Variants in SAXO1 observed in about 807,000 individuals in gnomAD.
The protein encoded by SAXO1 is 4930500O09Rik.
SAXO1 carries 21 observed loss-of-function variants against 17.5 expected under a neutral mutation model. That is an observed-to-expected ratio of 1.20 (90% CI 0.85 to 1.72). The LOEUF (loss-of-function observed/expected upper bound fraction) is 1.72. Ranked by LOEUF, SAXO1 falls within the 40% of genes most tolerant of loss-of-function variation. The probability of loss-of-function intolerance (pLI) is 0.00; values close to 1 mark genes in which losing one functional copy is unlikely to be tolerated. For synonymous variants in SAXO1, 274 were observed against 216.5 expected, an observed-to-expected ratio of 1.27 and a Z score of -2.33; for missense variants, 843 against 596.0, an observed-to-expected ratio of 1.41 and a Z score of -4.32.
At chr9:19,003,400 G>A (rs777518399) in intron 1 of SAXO1, among the ~76,000 whole-genome samples, 10 of 152,102 alleles carry the variant, frequency 6.6e-5, no homozygotes, top group Non-Finnish European at 1.3e-4. Flanking sequence ...CTACTTTAAA[G>A]CTCATATGGA....
At chr9:19,029,888 C>CA (rs1263492060) in intron 1 of SAXO1, among the ~76,000 whole-genome samples, 1 of 152,108 alleles carries the variant, frequency 6.6e-6, no homozygotes, top group Non-Finnish European at 1.5e-5. Flanking sequence ...CCTTGACAAA[C>CA]AAAAAACGCC....
intron 1 of SAXO1, among the ~76,000 whole-genome samples, chr9:18,986,628 C>T (rs560284142): frequency 1.3e-4 from 19 of 151,948 alleles, no homozygotes; most frequent in Admixed American, 6.6e-4. Flanking sequence ...AAAGGGGGGG[C>T]GGTTCCTCAT....
At chr9:19,036,267 AAAG>A (rs1342416998), upstream of SAXO1, among the ~76,000 whole-genome samples, 5 of 150,954 alleles carry the variant, frequency 3.3e-5, no homozygotes, top group African/African-American at 7.3e-5. Flanking sequence ...AAAAAAAAAA[AAAG>A]AAAGAAAGAA....
rs1209425386 is a variant in SAXO1 at position 19,032,933 on chromosome 9, T to A, written c.-25A>T. 2 of 1,603,274 alleles carry A rather than the reference T, an allele frequency of 1.2e-6. No individual in the cohort carries two copies. Among genetic ancestry groups the A allele is most frequent in the East Asian group, 4.5e-5 (2 of 44,624 alleles). On this transcript the variant is annotated 5_prime_UTR_variant, in exon 1 of 4. Coordinates refer to ENST00000380534, the MANE Select transcript of SAXO1 (RefSeq NM_153707.4). Reference sequence around the variant, plus strand: ...TAGGGGCGATCCTGAGGCCCTGACGTCCCCTCAGAGCATCGCCAGCTGCAG... The same window carrying A: ...TAGGGGCGATCCTGAGGCCCTGACGACCCCTCAGAGCATCGCCAGCTGCAG...
At chr9:18,963,712 T>C (rs545459185) in intron 1 of SAXO1, among the ~76,000 whole-genome samples, 8 of 152,350 alleles carry the variant, frequency 5.3e-5, no homozygotes, top group African/African-American at 1.9e-4. Context: ...TGGAGTTTTC[T>C]AAATATACAA....
chr9:19,032,998 C>T lies in SAXO1; in HGVS notation c.-90G>A, dbSNP rs1835834720. Reference sequence around the variant, plus strand: ...CCAACCACCTGTCTTGGGGCACGCCCAGGCTCGAGGGTCTTGGCAGGTGTT... The same window carrying T: ...CCAACCACCTGTCTTGGGGCACGCCTAGGCTCGAGGGTCTTGGCAGGTGTT... On this transcript the variant is annotated 5_prime_UTR_variant, in exon 1 of 4. Transcript: ENST00000380534. 7.3e-7 allele frequency: 1 copy of T among 1,378,188 alleles called. No homozygotes were observed. The allele number at this position is 1,378,188 out of a possible 1,614,324, so 85.4% of individuals were successfully genotyped here. A position where few individuals can be genotyped will look rare whatever the true frequency, so the allele number is the denominator to read the frequency against.
chr9:18,929,113 A>G (rs1830923754), intron 3 of SAXO1, 58 bp from the exon 4 acceptor site: 2 of 1,572,842 alleles, frequency 1.3e-6, no homozygotes, highest in South Asian at 2.4e-5. Context: ...ACTTGCATAT[A>G]TTCTACAGAG....
intron 1 of SAXO1, among the ~76,000 whole-genome samples, chr9:19,011,000 G>T (rs1329632220): frequency 6.6e-6 from 1 of 152,104 alleles, no homozygotes; most frequent in Non-Finnish European, 1.5e-5. Flanking sequence ...GTTTTTAAAA[G>T]TTCACATCTG....
intron 1 of SAXO1, among the ~76,000 whole-genome samples, chr9:19,045,022 A>G (rs533785302): frequency 1.3e-5 from 2 of 151,464 alleles, no homozygotes; most frequent in East Asian, 4.0e-4. Context: ...TTAAGATGCA[A>G]TTAGACGGCC....
chr9:18,967,788 G>C (rs1158250591), intron 1 of SAXO1, among the ~76,000 whole-genome samples: 1 of 141,106 alleles, frequency 7.1e-6, no homozygotes, highest in African/African-American at 3.2e-5. Context: ...GCACCATTGG[G>C]GTATGAAAAA....
At chr9:19,002,755 G>C (rs769503295) in intron 1 of SAXO1, among the ~76,000 whole-genome samples, 7 of 152,112 alleles carry the variant, frequency 4.6e-5, no homozygotes, top group Non-Finnish European at 7.3e-5. Context: ...AAAATAGTAA[G>C]AGCTATTTAT....
rs554132542 is a variant in SAXO1, at chr9:18,982,306, A to T, written c.39-31369T>A. 3.0e-3 allele frequency among the ~76,000 whole-genome samples: 460 copies of T among 152,340 alleles called. 8 individuals carry two copies. The South Asian group carries it at 0.045, about 15-fold the overall frequency. ...ACTATAAAACAGCCTGATGAATTTC[A>T]ATGTCACATTTCTTGGAATTCCGAG... On this transcript the variant is annotated intron_variant, in intron 1 of 3. Coordinates refer to ENST00000380534, the MANE Select transcript of SAXO1 (RefSeq NM_153707.4).
At chr9:18,969,063 T>G (rs1432072449) in intron 1 of SAXO1, among the ~76,000 whole-genome samples, 1 of 107,126 alleles carries the variant, frequency 9.3e-6, no homozygotes, top group Non-Finnish European at 1.6e-5. Context: ...TTGCAGTTTT[T>G]TTTTTTGTCT....
rs756037737 is a variant in SAXO1, at chr9:18,950,954, G to A, written c.39-17C>T. ...TGATGCCGCCTATAAAAGACACAGA[G>A]TTAGGTTGATTACCTTCTTGGGAGA... On this transcript the variant is annotated splice_polypyrimidine_tract_variant and intron_variant, in intron 1 of 3. Transcript: ENST00000380534. 1 of 1,599,194 alleles carries A rather than the reference G, an allele frequency of 6.3e-7. No individual in the cohort carries two copies. The highest frequency in any genetic ancestry group is 2.2e-5 in the East Asian group (1 of 44,628).
chr9:18,990,968 G>C (rs1278621724), intron 1 of SAXO1, among the ~76,000 whole-genome samples: 1 of 152,134 alleles, frequency 6.6e-6, no homozygotes, highest in Non-Finnish European at 1.5e-5. Context: ...TAGAACTAAA[G>C]TGCACAAGGC....
chr9:19,036,393 C>T (rs753252318), upstream of SAXO1, among the ~76,000 whole-genome samples: 1 of 152,124 alleles, frequency 6.6e-6, no homozygotes, highest in Admixed American at 6.5e-5. Context: ...GGGAAAATGT[C>T]TCCTGGGCAT....
At chr9:18,969,130 G>A (rs545462968) in intron 1 of SAXO1, among the ~76,000 whole-genome samples, 30 of 152,138 alleles carry the variant, frequency 2.0e-4, no homozygotes, top group African/African-American at 2.2e-4. Context: ...TGAAACAAGC[G>A]CGTATCTGCT....
chr9:18,965,101 T>C (rs1588449953), intron 1 of SAXO1, among the ~76,000 whole-genome samples: 2 of 152,234 alleles, frequency 1.3e-5, no homozygotes, highest in African/African-American at 4.8e-5. Flanking sequence ...TCTAATTTGA[T>C]TGCACTGTGG....
intron 1 of SAXO1, among the ~76,000 whole-genome samples, chr9:19,022,557 A>G (rs1477780045): frequency 2.0e-5 from 3 of 152,214 alleles, no homozygotes; most frequent in African/African-American, 4.8e-5. Flanking sequence ...GAAATGCATC[A>G]TACTTGAAAG....
Sources: gnomAD v4.1 joint callset for allele counts (sites outside exome capture counted in the v4.1 genomes callset) on GRCh38, gnomAD v4.1.1 for gene constraint, MANE v1.5 for transcripts, NCBI Gene and HGNC (gene_info 2026-07-23, HGNC 2026-07-21) for gene names.